Variants in ASTN2 observed in about 807,000 individuals in gnomAD.
ASTN2 encodes the protein astrotactin-2.
Under a neutral mutation model 139.8 loss-of-function variants are expected in ASTN2, and 54 were observed. That is an observed-to-expected ratio of 0.39 (90% CI 0.31 to 0.48). The LOEUF (loss-of-function observed/expected upper bound fraction) is 0.48. Ranked by LOEUF, ASTN2 falls within the 20% of genes least tolerant of loss-of-function variation. The probability of loss-of-function intolerance (pLI) is 0.95; values close to 1 mark genes in which losing one functional copy is unlikely to be tolerated. For synonymous variants in ASTN2, 756 were observed against 719.5 expected, an observed-to-expected ratio of 1.05 and a Z score of -0.81; for missense variants, 1,565 against 1,725.1, an observed-to-expected ratio of 0.91 and a Z score of 1.64.
intron 10 of ASTN2, among the ~76,000 whole-genome samples, chr9:116,970,043 G>A (rs774223797): frequency 2.6e-5 from 4 of 152,168 alleles, no homozygotes; most frequent in Non-Finnish European, 5.9e-5. Context: ...TGTGGCTTGT[G>A]ATTGCCTCAC....
At position 116,993,194 on chromosome 9, in the gene ASTN2, G is replaced by T. The variant is rs138577796; in HGVS notation, c.1591+14898C>A. On this transcript the variant is annotated intron_variant, in intron 7 of 22. Coordinates refer to ENST00000313400, the MANE Select transcript of ASTN2 (RefSeq NM_001365068.1). ...ACCCAGGGGTTCTGGCCCTCTGAAC[G>T]CTCTGGGATCCCATCTCCTAATATC... Among the ~76,000 whole-genome samples, 156 of 152,218 alleles carry T rather than the reference G, an allele frequency of 1.0e-3. 1 individual carries two copies. Among genetic ancestry groups the T allele is most frequent in the African/African-American group, 3.3e-3 (136 of 41,530 alleles).
intron 16 of ASTN2, among the ~76,000 whole-genome samples, chr9:116,656,494 T>C (rs1858219485): frequency 6.6e-6 from 1 of 152,026 alleles, no homozygotes; most frequent in African/African-American, 2.4e-5. Context: ...AAAAAGAACA[T>C]TTTTGAAGAG....
intron 10 of ASTN2, among the ~76,000 whole-genome samples, chr9:116,878,201 G>A (rs560290582): frequency 1.3e-5 from 2 of 152,140 alleles, no homozygotes; most frequent in Non-Finnish European, 2.9e-5. Flanking sequence ...CCCTGTTACT[G>A]GGTATATACC....
At chr9:117,130,507 A>C (rs1045801783) in intron 4 of ASTN2, among the ~76,000 whole-genome samples, 2 of 152,090 alleles carry the variant, frequency 1.3e-5, no homozygotes, top group African/African-American at 4.8e-5. Context: ...TTCTGAACTC[A>C]TAGCTTGGCT....
chr9:116,702,445 T>C (rs1827856176), intron 16 of ASTN2, among the ~76,000 whole-genome samples: 1 of 152,178 alleles, frequency 6.6e-6, no homozygotes, highest in East Asian at 1.9e-4. Flanking sequence ...AGTTCATCTC[T>C]TCCTTTCTAC....
intron 10 of ASTN2, among the ~76,000 whole-genome samples, chr9:116,870,667 A>G (rs557047337): frequency 6.6e-6 from 1 of 152,278 alleles, no homozygotes; most frequent in South Asian, 2.1e-4. Context: ...GCCATCCCCT[A>G]ATTACCTGAC....
chr9:117,045,034 T>A (rs10817982), intron 5 of ASTN2, among the ~76,000 whole-genome samples: 33,077 of 152,072 alleles, frequency 0.22, 4,298 homozygotes, highest in Middle Eastern at 0.39. Flanking sequence ...CTTCCCACTT[T>A]ATCATGGAAT....
Position 117,334,248 on chromosome 9 carries a change from G to T in ASTN2, c.443-42735C>A, listed in dbSNP as rs576618390. 1.2e-4 allele frequency among the ~76,000 whole-genome samples: 18 copies of T among 152,220 alleles called. No homozygotes were observed. In the South Asian group the frequency reaches 3.5e-3, roughly 30 times the overall value. ...TACTCTTCTTTCCAGGGATAAAAGG[G>T]CTGGCATATGATGAGCAAAGTGGTC... On this transcript the variant is annotated intron_variant, in intron 1 of 22. Coordinates refer to ENST00000313400, the MANE Select transcript of ASTN2 (RefSeq NM_001365068.1).
intron 12 of ASTN2, among the ~76,000 whole-genome samples, chr9:116,809,900 A>G (rs1436103913): frequency 6.6e-6 from 1 of 152,160 alleles, no homozygotes; most frequent in Non-Finnish European, 1.5e-5. Context: ...GATTCTGAAT[A>G]ATGGAATCTA....
At chr9:117,147,181 T>C (rs1308930607) in intron 3 of ASTN2, among the ~76,000 whole-genome samples, 1 of 152,136 alleles carries the variant, frequency 6.6e-6, no homozygotes, top group Non-Finnish European at 1.5e-5. Flanking sequence ...ACACATTATG[T>C]CTACACTGAT....
intron 13 of ASTN2, among the ~76,000 whole-genome samples, chr9:116,750,430 A>T (rs1829365950): frequency 6.6e-6 from 1 of 151,718 alleles, no homozygotes; most frequent in Non-Finnish European, 1.5e-5. Flanking sequence ...TGTCTTTCCC[A>T]CTCTCCCTGG....
intron 17 of ASTN2, among the ~76,000 whole-genome samples, chr9:116,629,316 A>G (rs1856619743): frequency 6.6e-6 from 1 of 151,912 alleles, no homozygotes; most frequent in African/African-American, 2.4e-5. Context: ...ATGGGGTTTC[A>G]CTGTGTTAGC....
At chr9:117,219,940 T>G (rs895751798) in intron 2 of ASTN2, among the ~76,000 whole-genome samples, 2 of 152,222 alleles carry the variant, frequency 1.3e-5, no homozygotes, top group African/African-American at 2.4e-5. Context: ...CAGGCCAGCA[T>G]GAGAATCCCT....
At chr9:116,729,466 T>C (rs567997344) in intron 14 of ASTN2, among the ~76,000 whole-genome samples, 1 of 152,210 alleles carries the variant, frequency 6.6e-6, no homozygotes, top group Non-Finnish European at 1.5e-5. Flanking sequence ...TTCGTAGGCA[T>C]GTTGTGAGGC....
chr9:116,574,514 G>T (rs1049193782), intron 19 of ASTN2, among the ~76,000 whole-genome samples: 7 of 152,204 alleles, frequency 4.6e-5, no homozygotes, highest in African/African-American at 1.7e-4. Context: ...CAAAGAGAAA[G>T]CTGCCTGCAT....
chr9:116,569,774 C>T (rs1853417637), intron 19 of ASTN2, among the ~76,000 whole-genome samples: 1 of 152,220 alleles, frequency 6.6e-6, no homozygotes, highest in Admixed American at 6.5e-5. Context: ...AGGGCCTCAG[C>T]AGGAACTTTG....
chr9:116,928,601 A>G (rs780298495), intron 10 of ASTN2, among the ~76,000 whole-genome samples: 5 of 152,200 alleles, frequency 3.3e-5, no homozygotes, highest in Non-Finnish European at 7.3e-5. Context: ...CATACACTCC[A>G]TGAGTTTACA....
At chr9:117,005,663 T>C (rs543491540) in intron 7 of ASTN2, among the ~76,000 whole-genome samples, 8 of 152,266 alleles carry the variant, frequency 5.3e-5, no homozygotes, top group South Asian at 4.2e-4. Context: ...TCTTGTCACT[T>C]CCTTTACAGG....
chr9:116,720,053 C>T (rs538829026), intron 16 of ASTN2, among the ~76,000 whole-genome samples: 1 of 152,198 alleles, frequency 6.6e-6, no homozygotes, highest in Admixed American at 6.5e-5. Context: ...GAGAATTATC[C>T]AGCTCTCATC....
Sources: allele counts gnomAD v4.1 joint callset (sites outside exome capture counted in the v4.1 genomes callset), GRCh38; gene constraint gnomAD v4.1.1; transcripts MANE v1.5; gene names NCBI Gene and HGNC (gene_info 2026-07-23, HGNC 2026-07-21).